Variants in DPH1 observed in about 807,000 individuals in gnomAD.
DPH1 encodes the protein 2-(3-amino-3-carboxypropyl)histidine synthase subunit 1.
A neutral mutation model predicts 55.3 loss-of-function variants in DPH1; 59 were observed. That is an observed-to-expected ratio of 1.07 (90% CI 0.87 to 1.33). The LOEUF is 1.33. Among genes scored for constraint, DPH1 ranks in the 40% most tolerant of loss-of-function variants. DPH1 has a pLI of 0.00. For synonymous variants in DPH1, 238 were observed against 235.5 expected (o/e 1.01, Z -0.10); for missense variants, 628 against 584.8 (o/e 1.07, Z -0.76).
rs1053397064 is a variant in DPH1 at position 2,040,398 on chromosome 17, T to G, written c.906+24T>G. 16 of 1,613,482 alleles carry G rather than the reference T, an allele frequency of 9.9e-6. No homozygotes were observed. In the East Asian group the frequency reaches 3.1e-4, roughly 31 times the overall value. On this transcript the variant is annotated intron_variant, in intron 8 of 12. Transcript: ENST00000263083. The stretch of plus-strand genomic sequence containing the variant: ...AGGTCAGTGGGCTCAGGACAGCCTC[T>G]GGAGGAGGGAAGTGACTGGGAACAC...
rs759112480 is a variant in DPH1, at chr17:2,041,878, A to G, written c.*18+3A>G. 1.3e-6 allele frequency: 2 copies of G among 1,572,440 alleles called. No individual in the cohort carries two copies. The highest frequency in any genetic ancestry group is 1.7e-6 in the Non-Finnish European group (2 of 1,163,014). ...CTTGACGCGCTCCCGGGCCTCAGGT[A>G]TCAGCCCCCGCTCTGGGTGCGCCCC... On this transcript the variant is annotated splice_donor_region_variant and intron_variant, in intron 12 of 12. Coordinates refer to ENST00000263083, the MANE Select transcript of DPH1 (RefSeq NM_001383.6).
At position 2,036,801 on chromosome 17, in the gene DPH1, G is replaced by A. The variant is rs375483024; in HGVS notation, c.559-34G>A. On this transcript the variant is annotated intron_variant, in intron 5 of 12. Coordinates refer to ENST00000263083, the MANE Select transcript of DPH1 (RefSeq NM_001383.6). The surrounding 1 kb of genome is among the most constrained non-coding windows in gnomAD (Gnocchi z 4.8). ...TCTCAGCCCTGGCTCTCCTGCCCCA[G>A]CCGCTGGCTTCACTTCCCTCGTCAT... 2.4e-5 allele frequency: 39 copies of A among 1,610,702 alleles called. No homozygotes were observed. In the African/African-American group the frequency reaches 4.0e-4, roughly 17 times the overall value.
intron 9 of DPH1, 47 bp from the exon 10 acceptor site, chr17:2,041,056 G>A: frequency 6.4e-7 from 1 of 1,553,744 alleles, no homozygotes; most frequent in African/African-American, 1.4e-5. Context: ...TGCTGCCTGG[G>A]CGACGAGGAG....
rs2067484134 is a variant in DPH1, at chr17:2,039,746, C to T, written c.681-9C>T. On this transcript the variant is annotated splice_polypyrimidine_tract_variant and intron_variant, in intron 6 of 12. Coordinates refer to ENST00000263083, the MANE Select transcript of DPH1 (RefSeq NM_001383.6). ...TAAACCACACTTAGCCTCCTTTCCA[C>T]CCCTGCAGGTATCTTGGAGATGGCC... The T allele has an allele frequency of 6.2e-7, 1 of 1,614,144 alleles. No individual in the cohort carries two copies. The highest frequency in any genetic ancestry group is 8.5e-7 in the Non-Finnish European group (1 of 1,180,014).
chr17:2,041,274 A>T (rs1487792061), intron 10 of DPH1, 93 bp downstream of exon 10: 4 of 1,495,418 alleles, frequency 2.7e-6, no homozygotes, highest in Non-Finnish European at 3.6e-6. Context: ...GCACTTCGTT[A>T]TGTTCGTAGA....
chr17:2,041,071 T>G, intron 9 of DPH1, 32 bp from the exon 10 acceptor site: 1 of 1,577,996 alleles, frequency 6.3e-7, no homozygotes, highest in Non-Finnish European at 8.6e-7. Flanking sequence ...GAGGAGGCCC[T>G]TCCTAGGGTC....
intron 12 of DPH1, chr17:2,042,284 T>C: frequency 1.0e-5 from 14 of 1,397,102 alleles, no homozygotes; most frequent in Non-Finnish European, 1.3e-5. Context: ...TCTTGTTTCG[T>C]CCCCCTCGAC....
At position 2,042,652 on chromosome 17, in the gene DPH1, C is replaced by A; in HGVS notation, c.*66C>A. 6.6e-7 allele frequency: 1 copy of A among 1,524,338 alleles called. No individual in the cohort carries two copies. The highest frequency in any genetic ancestry group is 8.8e-7 in the Non-Finnish European group (1 of 1,139,860). The allele number at this position is 1,524,338 out of a possible 1,614,324, so 94.4% of individuals were successfully genotyped here. On this transcript the variant is annotated 3_prime_UTR_variant, in exon 13 of 13. Coordinates refer to ENST00000263083, the MANE Select transcript of DPH1 (RefSeq NM_001383.6). ...GCCTCGAGGCTGGTGGTTTTCAGAG[C>A]AGGAGGCCGACGTTTTCTCCGCATT...
intron 12 of DPH1, 140 bp from the exon 13 acceptor site, chr17:2,042,465 C>A: frequency 1.5e-6 from 2 of 1,310,412 alleles, no homozygotes; most frequent in Non-Finnish European, 2.0e-6. Context: ...CACTCATTTC[C>A]CCCCTCTCAT....
chr17:2,041,646 G>A (rs781463502), intron 11 of DPH1, 25 bp downstream of exon 11: 3 of 1,596,096 alleles, frequency 1.9e-6, no homozygotes, highest in East Asian at 2.3e-5. Flanking sequence ...CCAGGAGGGA[G>A]GAGAGACCGC....
chr17:2,030,839 T>A (rs1029338304), intron 1 of DPH1, among the ~76,000 whole-genome samples: 1 of 152,196 alleles, frequency 6.6e-6, no homozygotes, highest in African/African-American at 2.4e-5. Context: ...CTAGGAAGCC[T>A]AGGCTGATTG....
At chr17:2,039,132 GC>G (rs1412116992) in intron 6 of DPH1, 6 of 152,356 alleles carry the variant, frequency 3.9e-5, no homozygotes, top group African/African-American at 1.5e-4. Flanking sequence ...TGCGATCTCG[GC>G]TCACTGCAGC....
chr17:2,035,424 C>CAGGCGAGGGGGCCCTGCCTGCGGTGG (rs2067401415), intron 3 of DPH1, among the ~76,000 whole-genome samples: 3 of 126,000 alleles, frequency 2.4e-5, no homozygotes, highest in Non-Finnish European at 3.4e-5. Context: ...AGTGGGGGTC[C>CAGGCGAGGGGGCCCTGCCTGCGGTGG]GGACGAGAGG....
At chr17:2,042,085 C>CGGGCTTCCGGCAGAGCGAGCG (rs1395978560) in intron 12 of DPH1, 14 of 1,565,104 alleles carry the variant, frequency 8.9e-6, no homozygotes, top group Non-Finnish European at 1.2e-5. Flanking sequence ...CTGTGCCTGG[C>CGGGCTTCCGGCAGAGCGAGCG]GGGCTTCCGG....
intron 3 of DPH1, 114 bp from the exon 4 acceptor site, chr17:2,035,856 C>T: frequency 6.7e-7 from 1 of 1,484,348 alleles, no homozygotes; most frequent in Non-Finnish European, 9.1e-7. Flanking sequence ...TCCCGAGGAA[C>T]TGGGAGAGGT....
At chr17:2,039,025 A>C (rs2067469271) in intron 6 of DPH1, 1 of 152,060 alleles carries the variant, frequency 6.6e-6, no homozygotes, top group South Asian at 2.1e-4. Flanking sequence ...CAGTTTACAC[A>C]GAGGCACAGC....
chr17:2,042,130 C>T (rs1348368357), intron 12 of DPH1: 2 of 1,555,828 alleles, frequency 1.3e-6, no homozygotes, highest in African/African-American at 1.4e-5. Flanking sequence ...AAGACCGGGG[C>T]GCTGAGGAAG....
At chr17:2,034,452 ACTCCCCTGCTGCCCCATCGCC>A (rs932126916) in intron 3 of DPH1, among the ~76,000 whole-genome samples, 4 of 140,996 alleles carry the variant, frequency 2.8e-5, no homozygotes, top group African/African-American at 5.4e-5. Flanking sequence ...GGAACCTCCC[ACTCCCCTGCTGCCCCATCGCC>A]CTCCCCTGCT....
intron 12 of DPH1, 84 bp downstream of exon 12, chr17:2,041,959 G>C: frequency 6.6e-7 from 1 of 1,517,424 alleles, no homozygotes; most frequent in Non-Finnish European, 8.8e-7. Flanking sequence ...CCCTCGGGGC[G>C]GTGCTGACGT....
Sources: gnomAD v4.1 joint callset for allele counts (sites outside exome capture counted in the v4.1 genomes callset) on GRCh38, gnomAD v4.1.1 for gene constraint, Gnocchi (gnomAD v3.1) non-coding constraint, MANE v1.5 for transcripts, NCBI Gene and HGNC (gene_info 2026-07-23, HGNC 2026-07-21) for gene names.